The following LRCH1 variants were observed in gnomAD, a reference collection of about 807,000 sequenced individuals.
LRCH1 encodes leucine-rich repeat and calponin homology domain-containing protein 1.
Under a neutral mutation model 94.9 loss-of-function variants are expected in LRCH1, and 23 were observed. The observed-to-expected ratio is 0.24, with a 90% CI of 0.17 to 0.34. The LOEUF (loss-of-function observed/expected upper bound fraction) is 0.34, where lower values mean the gene tolerates loss of function less well. Among genes scored for constraint, LRCH1 ranks in the 10% least tolerant of loss-of-function variants. The probability of loss-of-function intolerance (pLI) is 1.00; values close to 1 mark genes in which losing one functional copy is unlikely to be tolerated. For synonymous variants in LRCH1, 364 were observed against 354.9 expected (o/e 1.03, Z -0.29); for missense variants, 790 against 945.9 (o/e 0.84, Z 2.16).
intron 11 of LRCH1, among the ~76,000 whole-genome samples, chr13:46,704,262 T>G (rs115115730): frequency 0.01 from 1,560 of 152,252 alleles, 13 homozygotes; most frequent in African/African-American, 0.035. Flanking sequence ...TAAAAAAGTT[T>G]ACATACACAT....
intron 2 of LRCH1, among the ~76,000 whole-genome samples, chr13:46,652,033 G>A (rs1329172607): frequency 8.3e-6 from 1 of 120,244 alleles, no homozygotes; most frequent in Admixed American, 8.7e-5. Context: ...GACTACAGGC[G>A]CCGGCCACCA....
chr13:46,619,064 TTTCCTTCCTTCCTTCCTTCC>T (rs764734614), intron 1 of LRCH1, among the ~76,000 whole-genome samples: 2 of 114,652 alleles, frequency 1.7e-5, no homozygotes, highest in African/African-American at 3.6e-5. Flanking sequence ...TCTTTTCTTT[TTTCCTTCCTTCCTTCCTTCC>T]TTCCTTCCTT....
chr13:46,717,427 G>T (rs1483342538), intron 16 of LRCH1: 1 of 152,102 alleles, frequency 6.6e-6, no homozygotes, highest in Non-Finnish European at 1.5e-5. Flanking sequence ...AATACTCACG[G>T]TTCAGTCGAT....
chr13:46,568,634 A>G (rs1594249820), intron 1 of LRCH1, among the ~76,000 whole-genome samples: 1 of 152,240 alleles, frequency 6.6e-6, no homozygotes, highest in Non-Finnish European at 1.5e-5. Context: ...TATTGCATAC[A>G]TAGGAAGGAG....
chr13:46,687,705 T>G, intron 5 of LRCH1, 147 bp from the exon 6 acceptor site: 1 of 540,322 alleles, frequency 1.9e-6, no homozygotes, highest in Non-Finnish European at 3.1e-6. Flanking sequence ...TTCTTACATG[T>G]TTTGGAAAGG....
chr13:46,704,435 G>A (rs1356643168), intron 11 of LRCH1, among the ~76,000 whole-genome samples: 3 of 151,774 alleles, frequency 2.0e-5, no homozygotes, highest in Non-Finnish European at 4.4e-5. Flanking sequence ...TTCTCTTAAG[G>A]CCTTCTGATT....
Position 46,744,704 on chromosome 13 carries a change from A to T in LRCH1, c.*2856A>T. 1.0e-6 allele frequency: 1 copy of T among 985,418 alleles called. No homozygotes were observed. The highest frequency in any genetic ancestry group is 1.2e-6 in the Non-Finnish European group (1 of 829,930). 61.0% of individuals were successfully genotyped at this position (985,418 alleles called of 1,614,324 possible). On this transcript the variant is annotated 3_prime_UTR_variant, in exon 20 of 20. Coordinates refer to ENST00000389797, the MANE Select transcript of LRCH1 (RefSeq NM_001164211.2). ...TCATGTAGATGCCTGATTGAGTCAT[A>T]AGGACAAAAGGGTGTTTTGCCTTTG...
Position 46,750,188 on chromosome 13 carries a change from A to G in LRCH1, c.1981-352A>G, listed in dbSNP as rs565340716. Reference sequence around the variant, plus strand: ...TTAAAATGTGTCAGGGGCTATTTGCAGTTTTGCTTTATAAAAATAGAAGCT... The same window carrying G: ...TTAAAATGTGTCAGGGGCTATTTGCGGTTTTGCTTTATAAAAATAGAAGCT... On this transcript the variant is annotated intron_variant, in intron 18 of 18. Coordinates refer to the LRCH1 transcript ENST00000311191. Among the ~76,000 whole-genome samples the G allele has an allele frequency of 1.7e-3, 266 of 152,294 alleles. 1 individual carries two copies. The highest frequency in any genetic ancestry group is 3.5e-3 in the Admixed American group (53 of 15,298).
At chr13:46,609,868 GACAC>G (rs1266646478) in intron 1 of LRCH1, among the ~76,000 whole-genome samples, 1 of 152,222 alleles carries the variant, frequency 6.6e-6, no homozygotes, top group Non-Finnish European at 1.5e-5. Flanking sequence ...GGGGCTGCCA[GACAC>G]ACACAGCTGC....
At chr13:46,589,784 A>G (rs188106630) in intron 1 of LRCH1, among the ~76,000 whole-genome samples, 1 of 151,936 alleles carries the variant, frequency 6.6e-6, no homozygotes, top group Non-Finnish European at 1.5e-5. Flanking sequence ...TATTTTTAGT[A>G]GAGACAGGGT....
At position 46,690,845 on chromosome 13, in the gene LRCH1, C is replaced by T. The variant is rs1312851046; in HGVS notation, c.1014+1649C>T. ...TTCACTTGGTTTGGCAAAGATTTTA[C>T]CATCTATGATCAGGTGATCTTACTT... On this transcript the variant is annotated intron_variant, in intron 7 of 19. Coordinates refer to ENST00000389797, the MANE Select transcript of LRCH1 (RefSeq NM_001164211.2). 2.6e-5 allele frequency among the ~76,000 whole-genome samples: 4 copies of T among 152,272 alleles called. No individual in the cohort carries two copies. The East Asian group carries it at 5.8e-4, about 22-fold the overall frequency.
intron 1 of LRCH1, among the ~76,000 whole-genome samples, chr13:46,558,073 A>T (rs1361132595): frequency 1.4e-4 from 21 of 152,128 alleles, no homozygotes; most frequent in Non-Finnish European, 4.4e-5. Context: ...AACAAAGACT[A>T]TGTGGGAAAC....
chr13:46,749,429 G>A (rs545822545), downstream of LRCH1, among the ~76,000 whole-genome samples: 41 of 152,234 alleles, frequency 2.7e-4, no homozygotes, highest in African/African-American at 9.6e-4. Context: ...ATACAAAATG[G>A]TGACTATAGT....
chr13:46,686,516 C>T (rs986580030), intron 5 of LRCH1, among the ~76,000 whole-genome samples: 1 of 152,006 alleles, frequency 6.6e-6, no homozygotes, highest in Admixed American at 6.6e-5. Context: ...AGGGAAAGTT[C>T]CAGTAATATT....
rs2051275679 is a variant in LRCH1 at position 46,650,282 on chromosome 13, A to G, written c.389A>G (p.Asn130Ser). Residue 130 changes from asparagine to serine, a missense_variant, in exon 2 of 20, where the codon AAC becomes AGC. Asn to Ser is a conservative substitution (Grantham distance 46, BLOSUM62 1). Around this residue, in one of 3 missense-constraint regions of LRCH1, gnomAD observed 194 missense variants for 293.5 expected, o/e 0.66. Coordinates refer to ENST00000389797, the MANE Select transcript of LRCH1 (RefSeq NM_001164211.2). ...VSLEILNLYH[N>S]CIRVIPEAIV... ...CTGGAAATTCTTAATCTGTATCACA[A>G]CTGTATCAGAGTCATTCCTGAGGCC... 11 of 1,612,626 alleles carry G rather than the reference A, an allele frequency of 6.8e-6. No individual in the cohort carries two copies. Among genetic ancestry groups the G allele is most frequent in the Non-Finnish European group, 9.3e-6 (11 of 1,179,140 alleles).
Position 46,694,939 on chromosome 13 carries a change from C to G in LRCH1, c.1167C>G (p.Asp389Glu). Reference protein sequence around the residue: ...EFQPEPSLLGDSTNSGEERDQ... With the variant: ...EFQPEPSLLGESTNSGEERDQ... ...AACCGGAGCCTTCCCTTTTGGGTGACAGCACCAACTCAGGAGAAGAAAGAG... is the reference window on the plus strand; with the variant it reads ...AACCGGAGCCTTCCCTTTTGGGTGAGAGCACCAACTCAGGAGAAGAAAGAG... The change falls in exon 9 of 20, where the codon GAC becomes GAG. Residue 389 changes from aspartate to glutamate, a missense_variant. Asp to Glu is a conservative substitution (Grantham distance 45). Transcript: ENST00000389797. The G allele has an allele frequency of 6.2e-7, 1 of 1,614,158 alleles. No homozygotes were observed. The highest frequency in any genetic ancestry group is 1.3e-5 in the African/African-American group (1 of 75,072).
chr13:46,728,212 T>C (rs1314236595), intron 17 of LRCH1, among the ~76,000 whole-genome samples: 1 of 149,196 alleles, frequency 6.7e-6, no homozygotes, highest in Non-Finnish European at 1.5e-5. Flanking sequence ...CCACCACTCC[T>C]GGCCTAAGAG....
chr13:46,588,836 C>T (rs2050465500), intron 1 of LRCH1, among the ~76,000 whole-genome samples: 1 of 152,092 alleles, frequency 6.6e-6, no homozygotes, highest in Admixed American at 6.5e-5. Context: ...CTCCTGATCT[C>T]AGGTGATCTG....
chr13:46,662,072 G>A (rs1033655713), intron 2 of LRCH1, among the ~76,000 whole-genome samples: 1 of 152,114 alleles, frequency 6.6e-6, no homozygotes, highest in Non-Finnish European at 1.5e-5. Context: ...TTAGCTGGGC[G>A]TGGTGGTGTG....
Sources: allele counts gnomAD v4.1 joint callset (sites outside exome capture counted in the v4.1 genomes callset), GRCh38; gene constraint gnomAD v4.1.1; regional missense constraint gnomAD v4.1.1; transcripts MANE v1.5; gene names NCBI Gene and HGNC (gene_info 2026-07-23, HGNC 2026-07-21).